ATP8A2: variants seen among roughly 807,000 people sequenced by gnomAD.
ATP8A2 encodes ATPase phospholipid transporting 8A2.
Under a neutral mutation model 165.6 loss-of-function variants are expected in ATP8A2, and 100 were observed. That is an observed-to-expected ratio of 0.60 (90% CI 0.51 to 0.71). The LOEUF (loss-of-function observed/expected upper bound fraction) is 0.71, where lower values mean the gene tolerates loss of function less well. Ranked by LOEUF, ATP8A2 falls within the 30% of genes least tolerant of loss-of-function variation. The pLI is 0.00. For synonymous variants in ATP8A2, 543 were observed against 548.8 expected (o/e 0.99, Z 0.15); for missense variants, 1,227 against 1,479.5 (o/e 0.83, Z 2.80).
At chr13:25,461,020 T>G (rs2035489803) in intron 1 of ATP8A2, among the ~76,000 whole-genome samples, 1 of 152,236 alleles carries the variant, frequency 6.6e-6, no homozygotes, top group East Asian at 1.9e-4. Context: ...AATAACTGAA[T>G]GCATTCCACA....
intron 1 of ATP8A2, among the ~76,000 whole-genome samples, chr13:25,457,586 G>C (rs534149220): frequency 2.6e-5 from 4 of 152,304 alleles, no homozygotes; most frequent in Admixed American, 2.6e-4. Flanking sequence ...CATACAGAAT[G>C]CTTAGAACAG....
chr13:25,798,869 T>G (rs1248223351), intron 27 of ATP8A2, among the ~76,000 whole-genome samples: 4 of 151,896 alleles, frequency 2.6e-5, no homozygotes, highest in Non-Finnish European at 5.9e-5. Context: ...GAGAATTAAA[T>G]GGACATGACA....
At chr13:25,997,097 G>A (rs142651057) in intron 35 of ATP8A2, among the ~76,000 whole-genome samples, 4 of 152,336 alleles carry the variant, frequency 2.6e-5, no homozygotes, top group African/African-American at 7.2e-5. Context: ...GGGATTACAG[G>A]TGTGAGCCAC....
At chr13:25,861,199 G>A (rs1235938086) in intron 32 of ATP8A2, among the ~76,000 whole-genome samples, 1 of 152,040 alleles carries the variant, frequency 6.6e-6, no homozygotes, top group East Asian at 1.9e-4. Context: ...ACCACCAAGA[G>A]ACAGTCACTG....
chr13:25,850,851 C>CTT lies in ATP8A2; in HGVS notation c.2957-9343_2957-9342dup, dbSNP rs569529296. Among the ~76,000 whole-genome samples the CTT allele has an allele frequency of 8.5e-5, 13 of 152,302 alleles. No homozygotes were observed. In the South Asian group the frequency reaches 2.5e-3, roughly 29 times the overall value. On this transcript the variant is annotated intron_variant, in intron 30 of 36. Coordinates refer to ENST00000381655, the MANE Select transcript of ATP8A2 (RefSeq NM_016529.6). ...CTGCATGACAAACACTTTCTTAGGA[C>CTT]TTCTTTTTTCCAGGAGTAGCTTATT...
intron 33 of ATP8A2, among the ~76,000 whole-genome samples, chr13:25,868,939 G>A (rs1952599642): frequency 6.6e-6 from 1 of 151,910 alleles, no homozygotes; most frequent in African/African-American, 2.4e-5. Flanking sequence ...CATGGTGGCG[G>A]GCGCCTGTAG....
rs184842535 is a variant in ATP8A2, at chr13:25,659,701, C to G, written c.2212-39472C>G. On this transcript the variant is annotated intron_variant, in intron 24 of 36. Transcript: ENST00000381655. ...TAAGCTGACTTTTATTTTTTCAAGT[C>G]ACTTTCCTAAGAAACTTGTAAGGAC... Among the ~76,000 whole-genome samples the G allele has an allele frequency of 4.7e-3, 716 of 152,220 alleles. 2 individuals are homozygous for G. The highest frequency in any genetic ancestry group is 8.5e-3 in the Non-Finnish European group (581 of 67,990).
chr13:25,792,824 T>C (rs1344856089), intron 27 of ATP8A2, among the ~76,000 whole-genome samples: 1 of 151,770 alleles, frequency 6.6e-6, no homozygotes, highest in Non-Finnish European at 1.5e-5. Flanking sequence ...CTTGGGAGGC[T>C]GAGGCAGGAA....
rs1955426150 is a variant in ATP8A2 at position 25,953,411 on chromosome 13, T to C, written c.3184-8164T>C. On this transcript the variant is annotated intron_variant, in intron 33 of 36. Transcript: ENST00000381655. The surrounding 1 kb of genome is among the most constrained non-coding windows in gnomAD (Gnocchi z 6.7). ...ACGCACGAAGAAATTTGAGCTTCCT[T>C]CTCCTCACAGGTGAACTGTTGCTGC... Among the ~76,000 whole-genome samples, 1 of 151,618 alleles carries C rather than the reference T, an allele frequency of 6.6e-6. No homozygotes were observed. Among genetic ancestry groups the C allele is most frequent in the African/African-American group, 2.4e-5 (1 of 41,258 alleles).
intron 24 of ATP8A2, among the ~76,000 whole-genome samples, chr13:25,624,773 CA>C (rs1192397599): frequency 6.6e-6 from 1 of 152,106 alleles, no homozygotes; most frequent in Non-Finnish European, 1.5e-5. Flanking sequence ...ATAGTTCAAC[CA>C]AGTAAATTGA....
intron 1 of ATP8A2, among the ~76,000 whole-genome samples, chr13:25,431,747 ATTTT>A (rs888736678): frequency 5.9e-5 from 9 of 152,178 alleles, no homozygotes; most frequent in Non-Finnish European, 1.2e-4. Flanking sequence ...ATAGGAATTA[ATTTT>A]TTTGTTTCCT....
intron 27 of ATP8A2, among the ~76,000 whole-genome samples, chr13:25,787,369 C>G (rs2045055858): frequency 6.6e-6 from 1 of 152,230 alleles, no homozygotes; most frequent in South Asian, 2.1e-4. Context: ...ATCTGAGATT[C>G]ATCCATGTCG....
intron 1 of ATP8A2, among the ~76,000 whole-genome samples, chr13:25,383,022 TG>T (rs1233360692): frequency 3.6e-4 from 54 of 151,242 alleles, no homozygotes; most frequent in African/African-American, 1.2e-3. Flanking sequence ...CCCAAAGTGC[TG>T]GGATTACAGG....
intron 34 of ATP8A2, among the ~76,000 whole-genome samples, chr13:25,963,163 A>C (rs1020237592): frequency 1.3e-5 from 2 of 152,150 alleles, no homozygotes; most frequent in East Asian, 1.9e-4. Context: ...TGGGAGGCCG[A>C]GGTGGGTGGA....
chr13:25,473,560 A>C (rs1284029457), intron 2 of ATP8A2, among the ~76,000 whole-genome samples: 1 of 152,200 alleles, frequency 6.6e-6, no homozygotes, highest in East Asian at 1.9e-4. Flanking sequence ...AGCCATCTGA[A>C]GTATACAATT....
At chr13:25,855,797 T>C (rs548553845) in intron 30 of ATP8A2, among the ~76,000 whole-genome samples, 1 of 152,346 alleles carries the variant, frequency 6.6e-6, no homozygotes, top group South Asian at 2.1e-4. Context: ...ATGAAAGATC[T>C]AATTTCTCCA....
At chr13:25,989,628 C>T (rs567861701) in intron 35 of ATP8A2, among the ~76,000 whole-genome samples, 62 of 152,324 alleles carry the variant, frequency 4.1e-4, no homozygotes, top group African/African-American at 1.4e-3. Flanking sequence ...GCCTGGCTGA[C>T]ATTTCCTTTT....
rs1476487095 is a variant in ATP8A2, at chr13:26,021,755, C to T, written c.*1770C>T. 6.6e-6 allele frequency: 1 copy of T among 151,984 alleles called. No homozygotes were observed. Among genetic ancestry groups the T allele is most frequent in the East Asian group, 1.9e-4 (1 of 5,168 alleles). The allele number at this position is 151,984 out of a possible 1,614,324, so 9.4% of individuals were successfully genotyped here. On this transcript the variant is annotated 3_prime_UTR_variant, in exon 37 of 37. Coordinates refer to ENST00000381655, the MANE Select transcript of ATP8A2 (RefSeq NM_016529.6). ...ACTGTGGGGAAATGAATGAATTTAT[C>T]ACATGACTGTGCAGCGAAGGAGCAC... is the stretch of plus-strand genomic sequence containing the variant.
intron 25 of ATP8A2, among the ~76,000 whole-genome samples, chr13:25,746,682 G>A (rs950745095): frequency 3.9e-5 from 6 of 152,240 alleles, no homozygotes; most frequent in Admixed American, 6.5e-5. Flanking sequence ...CTGGACGGAC[G>A]TTATTCATGC....
Sources: gnomAD v4.1 joint callset for allele counts (sites outside exome capture counted in the v4.1 genomes callset) on GRCh38, gnomAD v4.1.1 for gene constraint, Gnocchi (gnomAD v3.1) non-coding constraint, MANE v1.5 for transcripts, NCBI Gene and HGNC (gene_info 2026-07-23, HGNC 2026-07-21) for gene names.